The following SH3BGR variants were observed in gnomAD, a reference collection of about 807,000 sequenced individuals.
The protein encoded by SH3BGR is SH3 domain binding glutamate rich protein, also known as SH3 domain-binding glutamic acid-rich protein.
A neutral mutation model predicts 24.5 loss-of-function variants in SH3BGR; 29 were observed. The observed-to-expected ratio is 1.18, with a 90% CI of 0.88 to 1.61. SH3BGR has a LOEUF of 1.61. SH3BGR is among the 40% of genes most tolerant of loss of function. SH3BGR has a pLI of 0.00. For synonymous variants in SH3BGR, 55 were observed against 65.7 expected, an observed-to-expected ratio of 0.84 and a Z score of 0.79; for missense variants, 162 against 205.8, an observed-to-expected ratio of 0.79 and a Z score of 1.30.
chr21:39,497,417 A>T (rs1280661981), intron 3 of SH3BGR, among the ~76,000 whole-genome samples: 1 of 151,874 alleles, frequency 6.6e-6, no homozygotes, highest in Non-Finnish European at 1.5e-5. Flanking sequence ...AATATAAAGT[A>T]ATAGAAGCAT....
chr21:39,478,801 C>G (rs1333627035), intron 3 of SH3BGR, among the ~76,000 whole-genome samples: 1 of 151,914 alleles, frequency 6.6e-6, no homozygotes, highest in Non-Finnish European at 1.5e-5. Context: ...TTCCATTTCT[C>G]CTATCAATCA....
upstream of SH3BGR, among the ~76,000 whole-genome samples, chr21:39,447,469 G>A (rs2077515563): frequency 3.8e-5 from 5 of 131,066 alleles, no homozygotes; most frequent in Admixed American, 4.5e-4. Flanking sequence ...AGGCTGGAAT[G>A]CAGTGGCGCC....
At chr21:39,488,326 C>T (rs2078243448) in intron 3 of SH3BGR, 2 of 212,982 alleles carry the variant, frequency 9.4e-6, no homozygotes, top group South Asian at 8.8e-5. Context: ...AGCAGTCCGA[C>T]ATGTAACTTC....
At position 39,494,775 on chromosome 21, in the gene SH3BGR, T is replaced by C. The variant is rs189379652; in HGVS notation, c.313-5048T>C. On this transcript the variant is annotated intron_variant, in intron 3 of 6. Transcript: ENST00000333634. ...ATTTAGAAAATTTTCAACCATTATA[T>C]TTTCAAATATTATTTCTGCTCCATT... Among the ~76,000 whole-genome samples, 295 of 152,206 alleles carry C rather than the reference T, an allele frequency of 1.9e-3. 2 individuals are homozygous for C. Among genetic ancestry groups the C allele is most frequent in the Admixed American group, 7.7e-3 (117 of 15,294 alleles).
intron 1 of SH3BGR, among the ~76,000 whole-genome samples, chr21:39,459,493 G>C (rs757726250): frequency 1.7e-4 from 26 of 152,106 alleles, no homozygotes; most frequent in Non-Finnish European, 2.8e-4. Context: ...AAAGTGCTGG[G>C]ATTACAGGCA....
rs2078629740 is a variant in SH3BGR at position 39,509,012 on chromosome 21, G to A, written c.420G>A (p.Glu140=). 6.2e-7 allele frequency: 1 copy of A among 1,609,200 alleles called. No homozygotes were observed. The highest frequency in any genetic ancestry group is 1.3e-5 in the African/African-American group (1 of 74,844). ...ATGGATGTAAGGAAGAAGAAGGAGA[G>A]ACAGCCACAGAAGAGGTACGGTCGA... ...EAQEKNEEEG[E]TATEETEEIA... The change falls in exon 5 of 7, where the codon GAG becomes GAA. Residue 140 remains glutamate, a synonymous_variant. Transcript: ENST00000333634.
intron 1 of SH3BGR, among the ~76,000 whole-genome samples, chr21:39,459,024 C>T (rs2077711049): frequency 6.6e-6 from 1 of 151,636 alleles, no homozygotes; most frequent in African/African-American, 2.4e-5. Flanking sequence ...CATATTGTAC[C>T]AATTAGTTCT....
Position 39,462,414 on chromosome 21 carries a change from G to T in SH3BGR, c.85G>T (p.Ala29Ser). 1.9e-6 allele frequency: 3 copies of T among 1,610,858 alleles called. No homozygotes were observed. The highest frequency in any genetic ancestry group is 2.5e-6 in the Non-Finnish European group (3 of 1,179,344). ...GCAAGAAGTAGTGGGTTTTTTGGAAGCGAATAAAATCGACTTTAAGGAATT... is the reference window on the plus strand; with the variant it reads ...GCAAGAAGTAGTGGGTTTTTTGGAATCGAATAAAATCGACTTTAAGGAATT... Reference protein sequence around the residue: ...KQQEVVGFLEANKIDFKELDI... With the variant: ...KQQEVVGFLESNKIDFKELDI... The change falls in exon 2 of 7, where the codon GCG becomes TCG. Residue 29 changes from alanine (A) to serine (S), a missense_variant. Ala to Ser is a moderately conservative substitution (Grantham distance 99). Coordinates refer to ENST00000333634, the MANE Select transcript of SH3BGR (RefSeq NM_007341.3).
intron 3 of SH3BGR, among the ~76,000 whole-genome samples, chr21:39,499,316 C>G (rs953307944): frequency 1.3e-5 from 2 of 151,128 alleles, no homozygotes; most frequent in Non-Finnish European, 3.0e-5. Flanking sequence ...GTTTGCCCAT[C>G]CATCCATTCC....
intron 3 of SH3BGR, among the ~76,000 whole-genome samples, chr21:39,483,084 GAGA>G (rs1602123872): frequency 6.6e-6 from 1 of 152,154 alleles, no homozygotes; most frequent in African/African-American, 2.4e-5. Flanking sequence ...GCTCTAAATG[GAGA>G]AGAACACAAC....
At chr21:39,451,630 C>G (rs773413341), upstream of SH3BGR, among the ~76,000 whole-genome samples, 1 of 152,192 alleles carries the variant, frequency 6.6e-6, no homozygotes, top group Admixed American at 6.5e-5. Context: ...TCCTCCTAGA[C>G]TGAGGTGGTG....
chr21:39,487,959 G>T (rs940683256), intron 3 of SH3BGR, among the ~76,000 whole-genome samples: 2 of 152,200 alleles, frequency 1.3e-5, no homozygotes, highest in Non-Finnish European at 2.9e-5. Context: ...AAGCATAAAA[G>T]ATATGAATTT....
At chr21:39,506,010 GA>G (rs1212153545) in intron 4 of SH3BGR, among the ~76,000 whole-genome samples, 2 of 152,144 alleles carry the variant, frequency 1.3e-5, no homozygotes, top group Admixed American at 6.6e-5. Flanking sequence ...CCTATGTGAA[GA>G]AGAAGAAAAT....
chr21:39,460,229 G>T (rs943583053), intron 1 of SH3BGR, among the ~76,000 whole-genome samples: 29 of 152,226 alleles, frequency 1.9e-4, no homozygotes, highest in African/African-American at 6.7e-4. Context: ...TTGTTGTGTG[G>T]CTTTTTTATG....
chr21:39,508,126 T>C (rs1424826497), intron 4 of SH3BGR, among the ~76,000 whole-genome samples: 3 of 152,192 alleles, frequency 2.0e-5, no homozygotes, highest in Non-Finnish European at 4.4e-5. Flanking sequence ...GTAGAGAATG[T>C]ATATGACTGC....
At chr21:39,499,960 G>T in intron 4 of SH3BGR, 45 bp downstream of exon 4, 1 of 1,375,162 alleles carries the variant, frequency 7.3e-7, no homozygotes, top group Non-Finnish European at 1.0e-6. Context: ...ATTCTCTGCT[G>T]TTCGAGACTT....
chr21:39,511,610 A>G lies in SH3BGR; in HGVS notation c.436-70A>G. ...GCTTTGACCTCTAGTCCAGCATTTT[A>G]CAGTCTTTTTCTCACTGTATCCTTG... On this transcript the variant is annotated intron_variant, in intron 5 of 6. Coordinates refer to ENST00000333634, the MANE Select transcript of SH3BGR (RefSeq NM_007341.3). This position sits in a 1 kb window ranked among gnomAD's most constrained non-coding sequence, Gnocchi z 4.2. 3 of 1,516,178 alleles carry G rather than the reference A, an allele frequency of 2.0e-6. No homozygotes were observed. Among genetic ancestry groups the G allele is most frequent in the Non-Finnish European group, 1.8e-6 (2 of 1,116,052 alleles). The allele number at this position is 1,516,178 out of a possible 1,614,324, so 93.9% of individuals were successfully genotyped here. A position where few individuals can be genotyped will look rare whatever the true frequency, so the allele number is the denominator to read the frequency against.
intron 1 of SH3BGR, among the ~76,000 whole-genome samples, chr21:39,456,141 T>C (rs968026750): frequency 2.4e-4 from 37 of 152,326 alleles, no homozygotes; most frequent in African/African-American, 8.9e-4. Context: ...CATCAAGCCC[T>C]GAGGCATGGT....
chr21:39,506,632 G>A (rs1488743600), intron 4 of SH3BGR, among the ~76,000 whole-genome samples: 1 of 152,176 alleles, frequency 6.6e-6, no homozygotes, highest in Non-Finnish European at 1.5e-5. Context: ...ACAAAACCAT[G>A]AGATCTTGTG....
Sources: allele counts gnomAD v4.1 joint callset (sites outside exome capture counted in the v4.1 genomes callset), GRCh38; gene constraint gnomAD v4.1.1; non-coding constraint Gnocchi (gnomAD v3.1); transcripts MANE v1.5; gene names NCBI Gene and HGNC (gene_info 2026-07-23, HGNC 2026-07-21).